The following TMEM117 variants were observed in gnomAD, a reference collection of about 807,000 sequenced individuals.
TMEM117 encodes transmembrane protein 117.
TMEM117 carries 27 observed loss-of-function variants against 52.4 expected under a neutral mutation model. That is an observed-to-expected ratio of 0.51 (90% CI 0.38 to 0.71). The LOEUF (loss-of-function observed/expected upper bound fraction) is 0.71, where lower values mean the gene tolerates loss of function less well. TMEM117 is among the 30% of genes least tolerant of loss of function. TMEM117 has a pLI of 0.00. For missense variants in TMEM117, 556 were observed against 630.5 expected (o/e 0.88, Z 1.26); for synonymous variants, 215 against 206.3 (o/e 1.04, Z -0.36).
intron 3 of TMEM117, among the ~76,000 whole-genome samples, chr12:44,053,941 A>C (rs1180613409): frequency 6.6e-6 from 1 of 152,234 alleles, no homozygotes; most frequent in African/African-American, 2.4e-5. Flanking sequence ...AGATGGGGCA[A>C]ATACAACTTT....
At chr12:43,958,445 A>G (rs756692097) in intron 3 of TMEM117, among the ~76,000 whole-genome samples, 2 of 152,196 alleles carry the variant, frequency 1.3e-5, no homozygotes, top group Non-Finnish European at 2.9e-5. Flanking sequence ...ATACATCACT[A>G]TGTGTTAAGT....
At chr12:44,189,355 T>G (rs1441691944) in intron 4 of TMEM117, among the ~76,000 whole-genome samples, 1 of 152,174 alleles carries the variant, frequency 6.6e-6, no homozygotes, top group Non-Finnish European at 1.5e-5. Flanking sequence ...CTCTTCAGTA[T>G]GAAAGGATTA....
chr12:43,896,772 C>T (rs567316483), intron 2 of TMEM117, among the ~76,000 whole-genome samples: 1 of 152,244 alleles, frequency 6.6e-6, no homozygotes, highest in East Asian at 1.9e-4. Context: ...GCACATAATC[C>T]AAGGCTGGTG....
At chr12:43,922,074 C>A (rs1256474777) in intron 2 of TMEM117, among the ~76,000 whole-genome samples, 1 of 152,042 alleles carries the variant, frequency 6.6e-6, no homozygotes, top group African/African-American at 2.4e-5. Context: ...TCAGTAGAAC[C>A]AGCAAAAAAG....
chr12:44,043,046 G>A (rs1004918628), intron 3 of TMEM117, among the ~76,000 whole-genome samples: 4 of 152,112 alleles, frequency 2.6e-5, no homozygotes, highest in East Asian at 1.9e-4. Flanking sequence ...AAATGCATTT[G>A]ACACTCTTCT....
At chr12:44,188,237 A>G (rs7139362) in intron 4 of TMEM117, among the ~76,000 whole-genome samples, 18,777 of 152,076 alleles carry the variant, frequency 0.12, 1,399 homozygotes, top group African/African-American at 0.2. Context: ...GACTTTGATC[A>G]TCTTCTATCT....
the TMEM117 span, among the ~76,000 whole-genome samples, chr12:43,827,151 T>C: frequency 2.6e-5 from 4 of 151,900 alleles, no homozygotes; most frequent in African/African-American, 9.7e-5. Flanking sequence ...TGCATAAATG[T>C]CACCTCAAAG....
chr12:44,070,248 G>T (rs189551262), intron 3 of TMEM117, among the ~76,000 whole-genome samples: 1 of 152,170 alleles, frequency 6.6e-6, no homozygotes, highest in African/African-American at 2.4e-5. Flanking sequence ...TGTCCACATT[G>T]TACTTTTTGT....
rs77788490 is a variant in TMEM117 at position 43,997,779 on chromosome 12, C to A, written c.410+53437C>A. Among the ~76,000 whole-genome samples, 27 of 152,236 alleles carry A rather than the reference C, an allele frequency of 1.8e-4. 1 individual carries two copies. In the East Asian group the frequency reaches 5.2e-3, roughly 29 times the overall value. On this transcript the variant is annotated intron_variant, in intron 3 of 7. Transcript: ENST00000266534. ...CTCCTCTTTGCCTCCTACTACCATT[C>A]TTATTATTGATATGCCATTGTTGTT...
chr12:44,261,239 T>C (rs1463755951), intron 5 of TMEM117, among the ~76,000 whole-genome samples: 1 of 152,242 alleles, frequency 6.6e-6, no homozygotes, highest in Non-Finnish European at 1.5e-5. Context: ...GGCTTATCGC[T>C]ATCTCAGATG....
chr12:44,233,390 A>G (rs192753368), intron 5 of TMEM117, among the ~76,000 whole-genome samples: 1 of 151,104 alleles, frequency 6.6e-6, no homozygotes, highest in African/African-American at 2.4e-5. Context: ...ACATTTATTT[A>G]TTTTCTTGTT....
chr12:43,952,074 G>T (rs1274048315), intron 3 of TMEM117, among the ~76,000 whole-genome samples: 1 of 151,176 alleles, frequency 6.6e-6, no homozygotes, highest in African/African-American at 2.4e-5. Context: ...CAAACAAACA[G>T]AAAGCAACAA....
rs1012260450 is a variant in TMEM117 at position 44,063,641 on chromosome 12, C to T, written c.411-79884C>T. Among the ~76,000 whole-genome samples the T allele has an allele frequency of 5.3e-5, 8 of 149,738 alleles. No homozygotes were observed. The East Asian group carries it at 6.0e-4, about 11-fold the overall frequency. ...CCTCCCCCCACCCCACAACAGCCCC[C>T]GGTGTGTGATGTCCCCCTTCCTGTG... On this transcript the variant is annotated intron_variant, in intron 3 of 7. Coordinates refer to ENST00000266534, the MANE Select transcript of TMEM117 (RefSeq NM_032256.3).
At chr12:43,855,904 C>A (rs1933554436) in intron 2 of TMEM117, among the ~76,000 whole-genome samples, 1 of 152,052 alleles carries the variant, frequency 6.6e-6, no homozygotes, top group African/African-American at 2.4e-5. Context: ...TCAAGGTAGT[C>A]ATGGTAATAC....
chr12:44,248,460 G>A (rs1354956871), intron 5 of TMEM117: 2 of 152,750 alleles, frequency 1.3e-5, no homozygotes, highest in African/African-American at 4.8e-5. Context: ...CAGCTCAAGA[G>A]TAAGCGGTTG....
intron 5 of TMEM117, among the ~76,000 whole-genome samples, chr12:44,245,276 G>C (rs1950114941): frequency 6.6e-6 from 1 of 151,736 alleles, no homozygotes; most frequent in South Asian, 2.1e-4. Flanking sequence ...TGACTCTGTA[G>C]ATTGTTTTGG....
At chr12:43,841,183 G>A (rs1009724634) in intron 1 of TMEM117, among the ~76,000 whole-genome samples, 5 of 152,216 alleles carry the variant, frequency 3.3e-5, no homozygotes, top group African/African-American at 7.2e-5. Context: ...CAATAATGGA[G>A]TCCTGTTTTG....
intron 3 of TMEM117, among the ~76,000 whole-genome samples, chr12:44,103,562 A>G (rs1947900298): frequency 1.3e-5 from 2 of 149,240 alleles, no homozygotes; most frequent in Admixed American, 6.6e-5. Context: ...TTTCTCCTCT[A>G]TTACTTTTTT....
chr12:43,828,174 G>A, the TMEM117 span, among the ~76,000 whole-genome samples: 5 of 152,186 alleles, frequency 3.3e-5, no homozygotes, highest in Admixed American at 3.3e-4. Context: ...GTGAGGATAG[G>A]AGATATATGC....
Sources: allele counts gnomAD v4.1 joint callset (sites outside exome capture counted in the v4.1 genomes callset), GRCh38; gene constraint gnomAD v4.1.1; transcripts MANE v1.5; gene names NCBI Gene and HGNC (gene_info 2026-07-23, HGNC 2026-07-21).